GRK2: variants seen among roughly 807,000 people sequenced by gnomAD.
GRK2 encodes the protein G protein-coupled receptor kinase 2.
In GRK2, 23 loss-of-function variants were observed where a neutral mutation model predicts 97.8. That is an observed-to-expected ratio of 0.24 (90% CI 0.17 to 0.33). The LOEUF (loss-of-function observed/expected upper bound fraction) is 0.33, where lower values mean the gene tolerates loss of function less well. Ranked by LOEUF, GRK2 falls within the 10% of genes least tolerant of loss-of-function variation. GRK2 has a pLI of 1.00. For synonymous variants in GRK2, 425 were observed against 381.7 expected (o/e 1.11, Z -1.32); for missense variants, 633 against 956.9 (o/e 0.66, Z 4.47).
Position 67,286,525 on chromosome 11 carries a change from G to A in GRK2, c.*1075G>A, listed in dbSNP as rs1322539996. ...TGTGATTTTAAAGAGTGAAAAATGA[G>A]ACTATGCGTTTTTATAAAAAATGGT... is the stretch of plus-strand genomic sequence containing the variant. On this transcript the variant is annotated 3_prime_UTR_variant, in exon 21 of 21. Transcript: ENST00000308595. 1.4e-6 allele frequency: 1 copy of A among 701,794 alleles called. No homozygotes were observed. Among genetic ancestry groups the A allele is most frequent in the Admixed American group, 2.0e-5 (1 of 49,970 alleles). The allele number at this position is 701,794 out of a possible 1,614,324, so 43.5% of individuals were successfully genotyped here. A position where few individuals can be genotyped will look rare whatever the true frequency, so the allele number is the denominator to read the frequency against.
At chr11:67,284,110 G>T in intron 17 of GRK2, 101 bp from the exon 18 acceptor site, 2 of 1,527,004 alleles carry the variant, frequency 1.3e-6, no homozygotes, top group South Asian at 2.4e-5. Flanking sequence ...CAGTTGCACT[G>T]ACCATCCCTA....
chr11:67,277,122 G>A (rs1860047415), intron 1 of GRK2, 150 bp from the exon 2 acceptor site: 2 of 664,840 alleles, frequency 3.0e-6, no homozygotes, highest in East Asian at 5.6e-5. Flanking sequence ...GGTCTGACCT[G>A]TGGCTGGGAT....
chr11:67,276,247 C>G lies in GRK2; in HGVS notation c.114-1025C>G, dbSNP rs534735948. Among the ~76,000 whole-genome samples, 15 of 152,316 alleles carry G rather than the reference C, an allele frequency of 9.8e-5. No individual in the cohort carries two copies. In the South Asian group the frequency reaches 2.9e-3, roughly 29 times the overall value. On this transcript the variant is annotated intron_variant, in intron 1 of 20. Transcript: ENST00000308595. The surrounding 1 kb of genome is among the most constrained non-coding windows in gnomAD (Gnocchi z 4.2). ...CTCAGCATGGCAGCTACACGTTACC[C>G]CAGGAGCCCAGACTAGTGAGGACCA... is the stretch of plus-strand genomic sequence containing the variant.
rs1042458936 is a variant in GRK2, at chr11:67,286,265, C to T, written c.*815C>T. ...GTGGGCGGGCAGCACAGCAAGGAGG[C>T]TGGCTGGGGCCTATCAGTGTGCCCC... On this transcript the variant is annotated 3_prime_UTR_variant, in exon 21 of 21. Coordinates refer to ENST00000308595, the MANE Select transcript of GRK2 (RefSeq NM_001619.5). 6.6e-6 allele frequency: 4 copies of T among 609,280 alleles called. No individual in the cohort carries two copies. The highest frequency in any genetic ancestry group is 3.8e-5 in the African/African-American group (2 of 52,734). 37.7% of individuals were successfully genotyped at this position (609,280 alleles called of 1,614,324 possible).
At chr11:67,275,814 G>A (rs1471721624) in intron 1 of GRK2, among the ~76,000 whole-genome samples, 1 of 152,242 alleles carries the variant, frequency 6.6e-6, no homozygotes, top group Non-Finnish European at 1.5e-5. Flanking sequence ...TCTCCACACA[G>A]GCTTTCCAGA....
At chr11:67,272,870 C>T (rs568690983) in intron 1 of GRK2, among the ~76,000 whole-genome samples, 11 of 152,370 alleles carry the variant, frequency 7.2e-5, no homozygotes, top group African/African-American at 2.6e-4. Context: ...AGGCCCCATC[C>T]TCCAAGGCCC....
At chr11:67,278,386 C>G (rs987894991) in intron 2 of GRK2, among the ~76,000 whole-genome samples, 3 of 152,164 alleles carry the variant, frequency 2.0e-5, no homozygotes, top group African/African-American at 7.2e-5. Context: ...AGGCCCCTTA[C>G]TCAGGCATGA....
chr11:67,286,312 C>A lies in GRK2; in HGVS notation c.*862C>A. On this transcript the variant is annotated 3_prime_UTR_variant, in exon 21 of 21. Transcript: ENST00000308595. ...CCCCCCATCCTGGCCCATCAGTGTA[C>A]CCCCGCCCAGGCTGGCCAGCCCCAC... 1.5e-6 allele frequency: 1 copy of A among 672,972 alleles called. No homozygotes were observed. The highest frequency in any genetic ancestry group is 2.4e-5 in the Admixed American group (1 of 41,836). The allele number at this position is 672,972 out of a possible 1,614,324, so 41.7% of individuals were successfully genotyped here.
Position 67,279,485 on chromosome 11 carries a change from CAT to C in GRK2, c.334_335del (p.Tyr112HisfsTer18). 1 of 1,613,324 alleles carries C rather than the reference CAT, an allele frequency of 6.2e-7. No homozygotes were observed. The highest frequency in any genetic ancestry group is 8.5e-7 in the Non-Finnish European group (1 of 1,180,024). ...GCCCGCAGCCGGGAGATCTTCGACT[CAT>C]ACATCATGAAGGAGCTGCTGGCCTG... On this transcript the variant is annotated frameshift_variant, in exon 4 of 21. Coordinates refer to ENST00000308595, the MANE Select transcript of GRK2 (RefSeq NM_001619.5). LOFTEE classifies it high-confidence loss of function.
At chr11:67,278,846 G>T (rs191041591) in intron 2 of GRK2, among the ~76,000 whole-genome samples, 116 of 152,292 alleles carry the variant, frequency 7.6e-4, no homozygotes, top group African/African-American at 2.7e-3. Flanking sequence ...CAGAGCAGGC[G>T]CAGGGCCCTG....
At chr11:67,284,670 T>G in intron 18 of GRK2, 177 bp from the exon 19 acceptor site, 3 of 894,692 alleles carry the variant, frequency 3.4e-6, no homozygotes, top group South Asian at 3.6e-5. Flanking sequence ...GCGCCTGTAC[T>G]CCCAGCTACC....
intron 2 of GRK2, among the ~76,000 whole-genome samples, chr11:67,278,854 C>G (rs531867310): frequency 1.4e-4 from 21 of 152,334 alleles, no homozygotes; most frequent in Admixed American, 3.9e-4. Flanking sequence ...GCGCAGGGCC[C>G]TGGGCTGCAG....
At chr11:67,267,060 G>A (rs942726940) in intron 1 of GRK2, among the ~76,000 whole-genome samples, 1 of 151,944 alleles carries the variant, frequency 6.6e-6, no homozygotes, top group African/African-American at 2.4e-5. Context: ...ATCGGTCCCC[G>A]GACCCAGTCG....
Position 67,282,882 on chromosome 11 carries a change from A to G in GRK2, c.1227+64A>G. 6.6e-7 allele frequency: 1 copy of G among 1,523,216 alleles called. No homozygotes were observed. Among genetic ancestry groups the G allele is most frequent in the Non-Finnish European group, 8.9e-7 (1 of 1,122,522 alleles). The allele number at this position is 1,523,216 out of a possible 1,614,324, so 94.4% of individuals were successfully genotyped here. A position where few individuals can be genotyped will look rare whatever the true frequency, so the allele number is the denominator to read the frequency against. ...GGGGAGCTCCTGTGGGTGCCAGGCC[A>G]TGACTCTTGCTTCCCACCAGCCAGC... On this transcript the variant is annotated intron_variant, in intron 14 of 20. Transcript: ENST00000308595. The surrounding 1 kb of genome is among the most constrained non-coding windows in gnomAD (Gnocchi z 6.9).
intron 1 of GRK2, among the ~76,000 whole-genome samples, chr11:67,271,865 TC>T (rs1859915157): frequency 1.3e-5 from 2 of 152,184 alleles, no homozygotes; most frequent in African/African-American, 2.4e-5. Flanking sequence ...CCAGGGGACT[TC>T]CTTCTGCTGC....
chr11:67,277,919 T>C (rs1860069713), intron 2 of GRK2, among the ~76,000 whole-genome samples: 1 of 152,194 alleles, frequency 6.6e-6, no homozygotes, highest in South Asian at 2.1e-4. Flanking sequence ...GATTTGGCCT[T>C]CCCGAGAACA....
chr11:67,280,726 T>G lies in GRK2; in HGVS notation c.504-6T>G. On this transcript the variant is annotated splice_polypyrimidine_tract_variant and splice_region_variant and intron_variant, in intron 6 of 20. Transcript: ENST00000308595. ...TGGCCCCTGAGCCCTGATTCTTCTT[T>G]TCCAGCGATAAGTTCACACGGTTTT... 11 of 1,614,052 alleles carry G rather than the reference T, an allele frequency of 6.8e-6. No individual in the cohort carries two copies. The highest frequency in any genetic ancestry group is 9.3e-6 in the Non-Finnish European group (11 of 1,179,966).
rs77617136 is a variant in GRK2 at position 67,267,914 on chromosome 11, C to T, written c.113+1102C>T. On this transcript the variant is annotated intron_variant, in intron 1 of 20. Coordinates refer to ENST00000308595, the MANE Select transcript of GRK2 (RefSeq NM_001619.5). ...GCACCTGGCCAACAGATCAGGGCTTCAGACTTCTGGTTCTACATTTCATCA... is the reference window on the plus strand; with the variant it reads ...GCACCTGGCCAACAGATCAGGGCTTTAGACTTCTGGTTCTACATTTCATCA... 2.6e-3 allele frequency among the ~76,000 whole-genome samples: 396 copies of T among 152,350 alleles called. 4 individuals carry two copies. The highest frequency in any genetic ancestry group is 0.024 in the East Asian group (122 of 5,186).
intron 1 of GRK2, among the ~76,000 whole-genome samples, chr11:67,272,363 TGGCCCA>T (rs1335791349): frequency 1.3e-4 from 20 of 152,270 alleles, no homozygotes; most frequent in Admixed American, 1.0e-3. Flanking sequence ...TCGGAGCACG[TGGCCCA>T]GCCAGCTTCC....
Sources: allele counts gnomAD v4.1 joint callset (sites outside exome capture counted in the v4.1 genomes callset), GRCh38; gene constraint gnomAD v4.1.1; non-coding constraint Gnocchi (gnomAD v3.1); transcripts MANE v1.5; gene names NCBI Gene and HGNC (gene_info 2026-07-23, HGNC 2026-07-21).